ZFPM2: variants seen among roughly 807,000 people sequenced by gnomAD.
ZFPM2 encodes zinc finger protein, FOG family member 2.
Under a neutral mutation model 98.6 loss-of-function variants are expected in ZFPM2, and 20 were observed. The ratio of observed to expected loss-of-function variants is 0.20; its 90% confidence interval spans 0.14 to 0.29. The LOEUF is 0.29. Ranked by LOEUF, ZFPM2 falls within the 10% of genes least tolerant of loss-of-function variation. The probability of loss-of-function intolerance (pLI) is 1.00; values close to 1 mark genes in which losing one functional copy is unlikely to be tolerated. For missense variants in ZFPM2, 1,310 were observed against 1,388.6 expected (o/e 0.94, Z 0.90); for synonymous variants, 518 against 502.7 (o/e 1.03, Z -0.41).
intron 3 of ZFPM2, among the ~76,000 whole-genome samples, chr8:105,468,393 G>A (rs1443900570): frequency 2.6e-5 from 4 of 151,820 alleles, no homozygotes; most frequent in African/African-American, 9.7e-5. Flanking sequence ...TTACAACCAC[G>A]CTTTATCCCT....
chr8:105,693,771 TTAA>T (rs1206739228), intron 5 of ZFPM2, among the ~76,000 whole-genome samples: 2 of 152,064 alleles, frequency 1.3e-5, no homozygotes, highest in Admixed American at 1.3e-4. Flanking sequence ...GTTATTTTTA[TTAA>T]TAACTAATAT....
intron 5 of ZFPM2, among the ~76,000 whole-genome samples, chr8:105,751,203 CTG>C (rs1385130033): frequency 4.6e-5 from 7 of 152,078 alleles, no homozygotes. Flanking sequence ...CCTTTACAAA[CTG>C]TGTTTTGGTT....
chr8:105,673,207 T>TTTTA (rs398009231), intron 5 of ZFPM2, among the ~76,000 whole-genome samples: 5 of 149,152 alleles, frequency 3.4e-5, no homozygotes, highest in African/African-American at 7.4e-5. Context: ...TTTTTTTTTT[T>TTTTA]ACCGATCGTA....
At chr8:105,442,216 C>T (rs1228698445) in intron 2 of ZFPM2, among the ~76,000 whole-genome samples, 4 of 150,600 alleles carry the variant, frequency 2.7e-5, no homozygotes, top group Admixed American at 6.6e-5. Context: ...TGGTGGCAGG[C>T]GCCTGTAGTC....
chr8:105,684,622 G>T (rs1182784008), intron 5 of ZFPM2, among the ~76,000 whole-genome samples: 1 of 152,070 alleles, frequency 6.6e-6, no homozygotes, highest in East Asian at 1.9e-4. Context: ...ACGGTTAGTT[G>T]AATTTTCAGT....
intron 4 of ZFPM2, among the ~76,000 whole-genome samples, chr8:105,631,844 C>G (rs1389534413): frequency 6.6e-6 from 1 of 152,062 alleles, no homozygotes; most frequent in Non-Finnish European, 1.5e-5. Context: ...TGATCACTAT[C>G]TATTTTTTAT....
chr8:105,781,932 A>G (rs1291807134), intron 5 of ZFPM2, among the ~76,000 whole-genome samples: 1 of 152,208 alleles, frequency 6.6e-6, no homozygotes, highest in Admixed American at 6.5e-5. Flanking sequence ...AGTGTTACAG[A>G]GTGAACACCA....
Position 105,794,963 on chromosome 8 carries a change from G to A in ZFPM2, c.740-3761G>A, listed in dbSNP as rs182567086. On this transcript the variant is annotated intron_variant, in intron 6 of 7. Transcript: ENST00000407775. The stretch of plus-strand genomic sequence containing the variant: ...CGCAGTATTCGGGTGGGAGTGACCC[G>A]ATTTTCCAGGTGCCGTCTGTCACCC... Among the ~76,000 whole-genome samples, 286 of 152,266 alleles carry A rather than the reference G, an allele frequency of 1.9e-3. 1 individual carries two copies. The highest frequency in any genetic ancestry group is 6.5e-3 in the African/African-American group (272 of 41,560).
chr8:105,547,036 C>G (rs1051053352), intron 3 of ZFPM2, among the ~76,000 whole-genome samples: 3 of 151,960 alleles, frequency 2.0e-5, no homozygotes, highest in African/African-American at 4.8e-5. Flanking sequence ...ATTCATGTAT[C>G]TGGTGGAGGA....
At chr8:105,380,751 A>T (rs1200991718) in intron 1 of ZFPM2, among the ~76,000 whole-genome samples, 2 of 45,372 alleles carry the variant, frequency 4.4e-5, no homozygotes, top group South Asian at 5.6e-4. Context: ...TATATATGTT[A>T]TATATAACAT....
intron 4 of ZFPM2, among the ~76,000 whole-genome samples, chr8:105,626,232 T>A (rs1203213978): frequency 2.0e-5 from 3 of 152,160 alleles, no homozygotes; most frequent in Non-Finnish European, 2.9e-5. Context: ...AATTCAATCG[T>A]ATAAGGTCTT....
intron 3 of ZFPM2, among the ~76,000 whole-genome samples, chr8:105,542,487 G>A (rs1220813157): frequency 2.6e-5 from 4 of 152,120 alleles, no homozygotes; most frequent in Non-Finnish European, 4.4e-5. Context: ...ATGAAAGTTT[G>A]AACTGCATGA....
At chr8:105,522,033 T>C (rs1814075017) in intron 3 of ZFPM2, among the ~76,000 whole-genome samples, 2 of 152,216 alleles carry the variant, frequency 1.3e-5, no homozygotes, top group Admixed American at 1.3e-4. Flanking sequence ...CCAGATATTG[T>C]TTCATGCATG....
intron 3 of ZFPM2, among the ~76,000 whole-genome samples, chr8:105,488,586 C>A (rs1813284615): frequency 6.6e-6 from 1 of 151,878 alleles, no homozygotes; most frequent in Non-Finnish European, 1.5e-5. Flanking sequence ...ATGGTGAAAC[C>A]CTGTCTCTAC....
chr8:105,651,423 GCAC>G (rs367644063), intron 5 of ZFPM2, among the ~76,000 whole-genome samples: 202 of 147,938 alleles, frequency 1.4e-3, no homozygotes, highest in African/African-American at 4.8e-3. Flanking sequence ...AGCTGAAATT[GCAC>G]CACTGCACTC....
intron 1 of ZFPM2, among the ~76,000 whole-genome samples, chr8:105,397,828 A>G (rs1811253249): frequency 6.6e-6 from 1 of 152,094 alleles, no homozygotes; most frequent in Admixed American, 6.6e-5. Context: ...CCTACCATGT[A>G]ACTCCGGTTG....
intron 3 of ZFPM2, among the ~76,000 whole-genome samples, chr8:105,560,949 C>G (rs956548489): frequency 6.6e-6 from 1 of 152,128 alleles, no homozygotes; most frequent in Non-Finnish European, 1.5e-5. Context: ...TTACCAAGTA[C>G]TTCAAAAACT....
chr8:105,577,659 A>G (rs551522460), intron 4 of ZFPM2, among the ~76,000 whole-genome samples: 2 of 152,148 alleles, frequency 1.3e-5, no homozygotes, highest in South Asian at 2.1e-4. Flanking sequence ...TAGGTAATAT[A>G]GAACAAGTGT....
chr8:105,780,599 T>C (rs1309088144), intron 5 of ZFPM2: 2 of 152,250 alleles, frequency 1.3e-5, no homozygotes, highest in Non-Finnish European at 2.9e-5. Flanking sequence ...AAAGCTAGTT[T>C]CGCCGGGCGC....
Sources: allele counts gnomAD v4.1 joint callset (sites outside exome capture counted in the v4.1 genomes callset), GRCh38; gene constraint gnomAD v4.1.1; transcripts MANE v1.5; gene names NCBI Gene and HGNC (gene_info 2026-07-23, HGNC 2026-07-21).